CAMK1D: variants seen among roughly 807,000 people sequenced by gnomAD.
CAMK1D encodes the protein calcium/calmodulin-dependent protein kinase type 1D.
A neutral mutation model predicts 47.7 loss-of-function variants in CAMK1D; 9 were observed. The ratio of observed to expected loss-of-function variants is 0.19; its 90% confidence interval spans 0.11 to 0.33. The LOEUF (loss-of-function observed/expected upper bound fraction) is 0.33. Ranked by LOEUF, CAMK1D falls within the 10% of genes least tolerant of loss-of-function variation. CAMK1D has a pLI of 1.00. For missense variants in CAMK1D, 291 were observed against 488.7 expected, an observed-to-expected ratio of 0.60 and a Z score of 3.81; for synonymous variants, 184 against 184.9, an observed-to-expected ratio of 0.99 and a Z score of 0.04.
intron 2 of CAMK1D, among the ~76,000 whole-genome samples, chr10:12,622,520 A>ATGTGTGTGTACGTG (rs1006253910): frequency 6.6e-6 from 1 of 151,334 alleles, no homozygotes; most frequent in Non-Finnish European, 1.5e-5. Context: ...TACATTTGGG[A>ATGTGTGTGTACGTG]TGTGTGTGTA....
chr10:12,649,563 T>C (rs532981544), intron 2 of CAMK1D, among the ~76,000 whole-genome samples: 1 of 152,346 alleles, frequency 6.6e-6, no homozygotes, highest in East Asian at 1.9e-4. Flanking sequence ...AATGGTATTC[T>C]AATTCTGGAG....
At chr10:12,373,955 T>TAAAA (rs1356790401) in intron 1 of CAMK1D, among the ~76,000 whole-genome samples, 2 of 32,514 alleles carry the variant, frequency 6.2e-5, no homozygotes, top group Non-Finnish European at 1.2e-4. Flanking sequence ...ACACTCTTTA[T>TAAAA]CAAAAAAAAA....
chr10:12,491,914 G>A (rs1332922509), intron 1 of CAMK1D, among the ~76,000 whole-genome samples: 1 of 152,044 alleles, frequency 6.6e-6, no homozygotes, highest in African/African-American at 2.4e-5. Context: ...AGTCTCCCAA[G>A]TAACTGGGAT....
intron 1 of CAMK1D, among the ~76,000 whole-genome samples, chr10:12,353,439 A>G (rs527324272): frequency 6.6e-6 from 1 of 152,332 alleles, no homozygotes; most frequent in African/African-American, 2.4e-5. Context: ...TGCCTTATCC[A>G]GGTATCTCAC....
chr10:12,699,907 C>G (rs1833444487), intron 3 of CAMK1D, among the ~76,000 whole-genome samples: 1 of 151,974 alleles, frequency 6.6e-6, no homozygotes, highest in African/African-American at 2.4e-5. Flanking sequence ...GATAGGGGCT[C>G]TTTTCAAAAT....
At chr10:12,774,393 A>C (rs1217803978) in intron 5 of CAMK1D, among the ~76,000 whole-genome samples, 2 of 152,120 alleles carry the variant, frequency 1.3e-5, no homozygotes. Context: ...GGCCCAGTGC[A>C]GAGGCCTGAA....
At chr10:12,808,179 C>T (rs899327286) in intron 6 of CAMK1D, among the ~76,000 whole-genome samples, 1 of 152,238 alleles carries the variant, frequency 6.6e-6, no homozygotes, top group Non-Finnish European at 1.5e-5. Context: ...GCATCCACTT[C>T]CTCCACTCCC....
At chr10:12,809,715 T>C (rs1832520390) in intron 6 of CAMK1D, among the ~76,000 whole-genome samples, 1 of 152,130 alleles carries the variant, frequency 6.6e-6, no homozygotes, top group Non-Finnish European at 1.5e-5. Flanking sequence ...GTGGAAATGG[T>C]AGCTGCCAGG....
chr10:12,796,721 A>G (rs1838210612), intron 6 of CAMK1D, among the ~76,000 whole-genome samples: 1 of 152,186 alleles, frequency 6.6e-6, no homozygotes, highest in African/African-American at 2.4e-5. Flanking sequence ...AGCGGGCAAC[A>G]GTCGCCTGCT....
intron 3 of CAMK1D, among the ~76,000 whole-genome samples, chr10:12,752,123 A>G (rs769407035): frequency 3.9e-5 from 6 of 151,926 alleles, no homozygotes; most frequent in Non-Finnish European, 7.4e-5. Flanking sequence ...AGCTGGGATT[A>G]CAGGCGCCCG....
intron 1 of CAMK1D, among the ~76,000 whole-genome samples, chr10:12,404,022 G>A (rs561380984): frequency 6.6e-6 from 1 of 151,038 alleles, no homozygotes; most frequent in African/African-American, 2.4e-5. Context: ...GACAAAAATG[G>A]GCATGTAGTT....
chr10:12,832,242 C>G lies in CAMK1D; in HGVS notation c.*3355C>G, dbSNP rs528526507. 28 of 152,398 alleles carry G rather than the reference C, an allele frequency of 1.8e-4. No individual in the cohort carries two copies. Among genetic ancestry groups the G allele is most frequent in the African/African-American group, 6.7e-4 (28 of 41,562 alleles). 9.4% of individuals were successfully genotyped at this position (152,398 alleles called of 1,614,324 possible). A position where few individuals can be genotyped will look rare whatever the true frequency, so the allele number is the denominator to read the frequency against. On this transcript the variant is annotated 3_prime_UTR_variant, in exon 11 of 11. Transcript: ENST00000619168. The stretch of plus-strand genomic sequence containing the variant: ...TAGGAGGAGTTTCTATTCATTGAGA[C>G]AAACAGTGAGCGGGCACCAACAGGC...
intron 1 of CAMK1D, among the ~76,000 whole-genome samples, chr10:12,511,032 T>C (rs1835024249): frequency 6.6e-6 from 1 of 152,224 alleles, no homozygotes; most frequent in Non-Finnish European, 1.5e-5. Flanking sequence ...TTGCAGCACT[T>C]ACACGGGATG....
intron 1 of CAMK1D, among the ~76,000 whole-genome samples, chr10:12,464,140 A>G (rs1430593865): frequency 1.3e-5 from 2 of 152,182 alleles, no homozygotes; most frequent in African/African-American, 4.8e-5. Flanking sequence ...AAACCTGGTT[A>G]AAGTATATCT....
rs144188736 is a variant in CAMK1D at position 12,826,537 on chromosome 10, C to T, written c.1039+847C>T. Among the ~76,000 whole-genome samples the T allele has an allele frequency of 2.9e-4, 44 of 152,336 alleles. No homozygotes were observed. In the East Asian group the frequency reaches 7.7e-3, roughly 27 times the overall value. On this transcript the variant is annotated intron_variant, in intron 10 of 10. Transcript: ENST00000619168. ...CTCCTTATCTCTCTCCCCAACTGCT[C>T]CTCTCTCTGTGGAAATAATCCCGTT... is the stretch of plus-strand genomic sequence containing the variant.
At chr10:12,436,799 A>C (rs1438250515) in intron 1 of CAMK1D, among the ~76,000 whole-genome samples, 1 of 152,202 alleles carries the variant, frequency 6.6e-6, no homozygotes, top group African/African-American at 2.4e-5. Context: ...GTGATCAGTC[A>C]CAATACACGT....
chr10:12,505,665 A>C (rs1260163576), intron 1 of CAMK1D, among the ~76,000 whole-genome samples: 1 of 152,228 alleles, frequency 6.6e-6, no homozygotes. Context: ...TATTGAAAGC[A>C]AATGGTCCAG....
intron 1 of CAMK1D, among the ~76,000 whole-genome samples, chr10:12,512,506 C>T (rs1835069806): frequency 6.6e-6 from 1 of 152,218 alleles, no homozygotes; most frequent in African/African-American, 2.4e-5. Context: ...AGCGATTCTT[C>T]TGCCTCAGCA....
intron 3 of CAMK1D, among the ~76,000 whole-genome samples, chr10:12,716,935 G>C (rs1834164562): frequency 6.6e-6 from 1 of 152,172 alleles, no homozygotes; most frequent in Non-Finnish European, 1.5e-5. Flanking sequence ...GATCCTGTGA[G>C]CAATGCTTCT....
Sources: allele counts gnomAD v4.1 joint callset (sites outside exome capture counted in the v4.1 genomes callset), GRCh38; gene constraint gnomAD v4.1.1; transcripts MANE v1.5; gene names NCBI Gene and HGNC (gene_info 2026-07-23, HGNC 2026-07-21).